Variants in USO1 observed in about 807,000 individuals in gnomAD.
USO1 encodes the protein general vesicular transport factor p115.
Under a neutral mutation model 124.5 loss-of-function variants are expected in USO1, and 57 were observed. The ratio of observed to expected loss-of-function variants is 0.46; its 90% CI spans 0.37 to 0.57. The LOEUF is 0.57. Among genes scored for constraint, USO1 ranks in the 20% least tolerant of loss-of-function variants. The pLI is 0.00. For missense variants in USO1, 900 were observed against 1,040.6 expected (o/e 0.86, Z 1.86); for synonymous variants, 369 against 362.8 (o/e 1.02, Z -0.19).
chr4:75,783,126 G>A (rs960907179), intron 9 of USO1, among the ~76,000 whole-genome samples: 1 of 152,152 alleles, frequency 6.6e-6, no homozygotes, highest in Non-Finnish European at 1.5e-5. Context: ...CAGACATACA[G>A]TTTCCTGATG....
At chr4:75,758,685 G>T (rs1029186615) in intron 4 of USO1, among the ~76,000 whole-genome samples, 1 of 152,038 alleles carries the variant, frequency 6.6e-6, no homozygotes, top group Admixed American at 6.5e-5. Context: ...GAGTTCAAGA[G>T]CAGCCTGGGC....
chr4:75,739,183 G>A (rs181144734), intron 1 of USO1, among the ~76,000 whole-genome samples: 10 of 152,202 alleles, frequency 6.6e-5, no homozygotes, highest in Non-Finnish European at 1.3e-4. Flanking sequence ...AATTTTGAGC[G>A]TTAAGTAACC....
chr4:75,801,189 A>T lies in USO1; in HGVS notation c.1975A>T (p.Ile659Phe), dbSNP rs764883238. ...DNIVTHYKNM[I>F]REQDLQLEEL... The stretch of plus-strand genomic sequence containing the variant: ...TATTGTGACTCACTACAAAAATATG[A>T]TTCGAGAGCAGGTAAGTACTAATGA... The change falls in exon 17 of 24, where the codon ATT (isoleucine) becomes TTT (phenylalanine). Residue 659 changes from isoleucine to phenylalanine, a missense_variant. Physicochemically the swap from Ile to Phe is conservative, Grantham distance 21. This residue lies in a region of USO1 where 362 missense variants were observed against 359.0 expected (regional missense o/e 1.01). Transcript: ENST00000514213. The T allele has an allele frequency of 4.4e-6, 7 of 1,607,474 alleles. No individual in the cohort carries two copies. The highest frequency in any genetic ancestry group is 5.9e-6 in the Non-Finnish European group (7 of 1,177,740).
chr4:75,737,057 G>C lies in USO1; in HGVS notation c.66+12172G>C, dbSNP rs183332702. 2.9e-3 allele frequency among the ~76,000 whole-genome samples: 445 copies of C among 152,312 alleles called. 4 individuals carry two copies. The highest frequency in any genetic ancestry group is 0.022 in the East Asian group (112 of 5,188). Reference sequence around the variant, plus strand: ...ATATCCTGATTTGAGGATGTGGCTAGTGCTCAAATCCAGCCAGTTATTGCC... The same window carrying C: ...ATATCCTGATTTGAGGATGTGGCTACTGCTCAAATCCAGCCAGTTATTGCC... On this transcript the variant is annotated intron_variant, in intron 1 of 23. Transcript: ENST00000514213.
At chr4:75,727,916 A>G (rs994743481) in intron 1 of USO1, among the ~76,000 whole-genome samples, 2 of 151,832 alleles carry the variant, frequency 1.3e-5, no homozygotes, top group Admixed American at 1.3e-4. Context: ...TTACATTTTA[A>G]CTACAGTGTG....
chr4:75,734,023 G>A (rs1470761146), intron 1 of USO1, among the ~76,000 whole-genome samples: 1 of 137,404 alleles, frequency 7.3e-6, no homozygotes, highest in Non-Finnish European at 1.5e-5. Context: ...TTGGCTCACT[G>A]CAACCTCTGC....
Position 75,782,931 on chromosome 4 carries a change from T to C in USO1, c.855+73T>C, listed in dbSNP as rs537644796. 7.5e-6 allele frequency: 11 copies of C among 1,461,776 alleles called. No homozygotes were observed. In the East Asian group the frequency reaches 2.2e-4, roughly 29 times the overall value. 90.6% of individuals were successfully genotyped at this position (1,461,776 alleles called of 1,614,324 possible). The stretch of plus-strand genomic sequence containing the variant: ...TTTTCAAAGAGAAGAAAATCGCTTG[T>C]ATTTGATAAATCCAGAATATTTGAT... On this transcript the variant is annotated intron_variant, in intron 9 of 23. Coordinates refer to ENST00000514213, the MANE Select transcript of USO1 (RefSeq NM_003715.4).
intron 1 of USO1, among the ~76,000 whole-genome samples, chr4:75,742,812 T>C (rs1721001219): frequency 6.6e-6 from 1 of 152,134 alleles, no homozygotes; most frequent in Admixed American, 6.6e-5. Context: ...TTTCCTATCA[T>C]GTAGATGAGA....
chr4:75,726,138 G>C (rs1441988002), intron 1 of USO1, among the ~76,000 whole-genome samples: 1 of 152,102 alleles, frequency 6.6e-6, no homozygotes, highest in African/African-American at 2.4e-5. Flanking sequence ...AGAATTAGCC[G>C]GCCGTGGTGG....
intron 8 of USO1, among the ~76,000 whole-genome samples, chr4:75,777,749 A>G (rs548539019): frequency 5.9e-5 from 9 of 152,238 alleles, no homozygotes; most frequent in African/African-American, 2.2e-4. Context: ...TGGGAATGCA[A>G]AATGGTACAA....
chr4:75,798,318 G>T (rs1722747146), intron 13 of USO1, among the ~76,000 whole-genome samples: 1 of 152,046 alleles, frequency 6.6e-6, no homozygotes, highest in Admixed American at 6.5e-5. Flanking sequence ...ACCTGCAAAT[G>T]GTTATGCTAA....
At chr4:75,762,961 C>T (rs1466740037) in intron 4 of USO1, among the ~76,000 whole-genome samples, 1 of 152,186 alleles carries the variant, frequency 6.6e-6, no homozygotes, top group Non-Finnish European at 1.5e-5. Context: ...ATACATGTAC[C>T]TGTTTAATTA....
At chr4:75,795,696 A>G (rs977939419) in intron 13 of USO1, among the ~76,000 whole-genome samples, 2 of 152,124 alleles carry the variant, frequency 1.3e-5, no homozygotes, top group Admixed American at 6.5e-5. Context: ...ATTTCAAAGG[A>G]AGTAGAATTC....
At position 75,752,437 on chromosome 4, in the gene USO1, G is replaced by A. The variant is rs1409196961; in HGVS notation, c.131G>A (p.Arg44His). 2.5e-6 allele frequency: 1 copy of A among 398,140 alleles called. No homozygotes were observed. Among genetic ancestry groups the A allele is most frequent in the Non-Finnish European group, 4.4e-6 (1 of 225,976 alleles). 24.7% of individuals were successfully genotyped at this position (398,140 alleles called of 1,614,324 possible). The change falls in exon 2 of 24, where the codon CGT becomes CAT. Residue 44 changes from arginine (R) to histidine (H), a missense_variant. Physicochemically the swap from Arg to His is conservative, Grantham distance 29. Coordinates refer to ENST00000514213, the MANE Select transcript of USO1 (RefSeq NM_003715.4). ...TTGGATGATCGAAGAAATGCTGTTC[G>A]TGCTCTCAAATCATTATCTAAGGTT... is the stretch of plus-strand genomic sequence containing the variant. ...TLLDDRRNAV[R>H]ALKSLSKKYR...
In USO1 at chr4:75,810,549, T is replaced by C. The variant is rs1044538192; in HGVS notation, c.2583+10T>C. On this transcript the variant is annotated intron_variant, in intron 22 of 23. Coordinates refer to ENST00000514213, the MANE Select transcript of USO1 (RefSeq NM_003715.4). ...GACCAAAGAGTTAAAGGTTTGTTTT[T>C]GGTGCAACTTTTATTTACTGCATAT... 10 of 1,595,204 alleles carry C rather than the reference T, an allele frequency of 6.3e-6. No individual in the cohort carries two copies. In the Admixed American group the frequency reaches 9.0e-5, roughly 14 times the overall value.
At chr4:75,790,333 T>G in intron 11 of USO1, 95 bp downstream of exon 11, 1 of 1,429,804 alleles carries the variant, frequency 7.0e-7, no homozygotes, top group Non-Finnish European at 9.3e-7. Flanking sequence ...TTTAAAGAAG[T>G]TTAGTTGTAT....
Position 75,814,052 on chromosome 4 carries a change from CAT to C in USO1, c.*760_*761del, listed in dbSNP as rs1198537803. ...TTTAGTAGTATTGTTTATCATAAAA[CAT>C]ATTATGTTCCTAGTTTTAAAAAGAC... On this transcript the variant is annotated 3_prime_UTR_variant, in exon 24 of 24. Transcript: ENST00000514213. 6.6e-6 allele frequency: 1 copy of C among 152,130 alleles called. No individual in the cohort carries two copies. Among genetic ancestry groups the C allele is most frequent in the Non-Finnish European group, 1.5e-5 (1 of 68,026 alleles). The allele number at this position is 152,130 out of a possible 1,614,324, so 9.4% of individuals were successfully genotyped here.
chr4:75,731,460 G>A (rs1720628700), intron 1 of USO1, among the ~76,000 whole-genome samples: 1 of 152,004 alleles, frequency 6.6e-6, no homozygotes, highest in Non-Finnish European at 1.5e-5. Context: ...TACTAGGGAG[G>A]CTGAGGCAGG....
chr4:75,752,224 T>C, intron 1 of USO1, 149 bp from the exon 2 acceptor site: 1 of 391,716 alleles, frequency 2.6e-6, no homozygotes, highest in Middle Eastern at 6.4e-4. Context: ...ATTATAATAC[T>C]ACCTAAATGC....
Sources: gnomAD v4.1 joint callset for allele counts (sites outside exome capture counted in the v4.1 genomes callset) on GRCh38, gnomAD v4.1.1 for gene constraint, gnomAD v4.1.1 regional missense constraint, MANE v1.5 for transcripts, NCBI Gene and HGNC (gene_info 2026-07-23, HGNC 2026-07-21) for gene names.